Variants in PRELID2 observed in about 807,000 individuals in gnomAD.
The protein encoded by PRELID2 is PRELI domain-containing protein 2.
In PRELID2, 25 loss-of-function variants were observed where a neutral mutation model predicts 28.4. That is an observed-to-expected ratio of 0.88 (90% CI 0.64 to 1.23). The LOEUF is 1.23. Ranked by LOEUF, PRELID2 falls within the 50% of genes most tolerant of loss-of-function variation. The pLI, the probability that PRELID2 is intolerant of heterozygous loss-of-function variation, is 0.00. For missense variants in PRELID2, 201 were observed against 214.4 expected (o/e 0.94, Z 0.39); for synonymous variants, 76 against 71.6 (o/e 1.06, Z -0.31).
chr5:145,816,721 T>A (rs1217249328), intron 4 of PRELID2, among the ~76,000 whole-genome samples: 4 of 152,200 alleles, frequency 2.6e-5, no homozygotes, highest in Non-Finnish European at 5.9e-5. Flanking sequence ...TAATATTAAC[T>A]GTTTTAAATC....
intron 1 of PRELID2, among the ~76,000 whole-genome samples, chr5:145,704,847 G>A (rs1453687407): frequency 6.6e-6 from 1 of 152,210 alleles, no homozygotes; most frequent in Non-Finnish European, 1.5e-5. Flanking sequence ...GCAGCCAGAT[G>A]CACTTGTACT....
the PRELID2 span, among the ~76,000 whole-genome samples, chr5:145,265,189 CT>C: frequency 4.0e-5 from 6 of 151,810 alleles, no homozygotes; most frequent in Non-Finnish European, 5.9e-5. Context: ...AAATCAACAA[CT>C]CATCACCTTT....
chr5:145,643,545 A>C (rs547684481), intron 1 of PRELID2, among the ~76,000 whole-genome samples: 6 of 152,106 alleles, frequency 3.9e-5, no homozygotes, highest in Non-Finnish European at 5.9e-5. Context: ...ACTTCCAATA[A>C]TATGTTCAAT....
At chr5:145,396,626 C>T in the PRELID2 span, among the ~76,000 whole-genome samples, 18 of 152,098 alleles carry the variant, frequency 1.2e-4, no homozygotes, top group Non-Finnish European at 2.9e-5. Context: ...ACTTCCATTA[C>T]TTAAACCTTA....
At chr5:145,732,595 C>A (rs1432017070) in intron 1 of PRELID2, among the ~76,000 whole-genome samples, 1 of 152,122 alleles carries the variant, frequency 6.6e-6, no homozygotes. Context: ...GTCACATGAG[C>A]CTGACATTCA....
At chr5:145,416,484 T>G in the PRELID2 span, among the ~76,000 whole-genome samples, 2 of 151,962 alleles carry the variant, frequency 1.3e-5, no homozygotes, top group East Asian at 3.9e-4. Context: ...ACAGGCAACC[T>G]ACAAAATGGG....
chr5:145,331,918 T>C, the PRELID2 span, among the ~76,000 whole-genome samples: 5 of 152,210 alleles, frequency 3.3e-5, no homozygotes, highest in African/African-American at 9.6e-5. Flanking sequence ...TTGTTTTTCT[T>C]TTCCATATTT....
intron 5 of PRELID2, among the ~76,000 whole-genome samples, chr5:145,788,761 A>G (rs1752171794): frequency 2.0e-5 from 3 of 152,072 alleles, no homozygotes; most frequent in Non-Finnish European, 4.4e-5. Context: ...ATATATATAT[A>G]AAACCCTAAA....
At chr5:145,753,640 T>C (rs1051490381), downstream of PRELID2, among the ~76,000 whole-genome samples, 3 of 152,140 alleles carry the variant, frequency 2.0e-5, no homozygotes, top group Admixed American at 6.5e-5. Flanking sequence ...TAACTGCCCA[T>C]GGCTTCAGGA....
the PRELID2 span, among the ~76,000 whole-genome samples, chr5:145,327,899 C>A: frequency 6.6e-6 from 1 of 152,178 alleles, no homozygotes; most frequent in African/African-American, 2.4e-5. Flanking sequence ...TTGTCATCTA[C>A]ATTAGGTATT....
At chr5:145,613,354 T>C (rs1455983731) in intron 1 of PRELID2, among the ~76,000 whole-genome samples, 1 of 151,904 alleles carries the variant, frequency 6.6e-6, no homozygotes, top group Non-Finnish European at 1.5e-5. Flanking sequence ...TGCAGGTTTG[T>C]TACATATGTA....
intron 5 of PRELID2, among the ~76,000 whole-genome samples, chr5:145,769,830 T>C (rs555099134): frequency 3.3e-5 from 5 of 152,290 alleles, no homozygotes; most frequent in South Asian, 2.1e-4. Context: ...CAATGGACCA[T>C]TGGCCTCTTC....
intron 1 of PRELID2, among the ~76,000 whole-genome samples, chr5:145,621,440 T>C (rs1254016585): frequency 6.6e-6 from 1 of 152,146 alleles, no homozygotes; most frequent in Non-Finnish European, 1.5e-5. Flanking sequence ...CAAAAACTTG[T>C]ACACACCACT....
intron 1 of PRELID2, among the ~76,000 whole-genome samples, chr5:145,481,645 A>AAAAAGAAAAAAAAAAAAAAAAAAAAAAAG (rs1752162238): frequency 6.8e-6 from 1 of 146,490 alleles, no homozygotes; most frequent in Non-Finnish European, 1.5e-5. Flanking sequence ...AAAAAAAAAA[A>AAAAAGAAAAAAAAAAAAAAAAAAAAAAAG]AAAAAAAAGA....
At chr5:145,558,079 T>C (rs1278527156) in intron 1 of PRELID2, among the ~76,000 whole-genome samples, 2 of 152,206 alleles carry the variant, frequency 1.3e-5, no homozygotes, top group Non-Finnish European at 2.9e-5. Context: ...TTTAACAGTA[T>C]AGAATCAGAT....
chr5:145,321,593 G>A, the PRELID2 span, among the ~76,000 whole-genome samples: 93,676 of 151,996 alleles, frequency 0.62, 29,427 homozygotes, highest in East Asian at 0.89. Context: ...TTCTTCACTT[G>A]CCCGCAAGCA....
At chr5:145,238,227 G>A in the PRELID2 span, among the ~76,000 whole-genome samples, 6 of 152,102 alleles carry the variant, frequency 3.9e-5, no homozygotes, top group African/African-American at 1.4e-4. Flanking sequence ...ATGTGCTAGG[G>A]TGCTATTCTA....
chr5:145,631,660 C>T (rs1418744304), intron 1 of PRELID2, among the ~76,000 whole-genome samples: 3 of 152,096 alleles, frequency 2.0e-5, no homozygotes, highest in Non-Finnish European at 4.4e-5. Flanking sequence ...AGAATAATAC[C>T]TGGCACATAA....
chr5:145,724,605 ATAT>A (rs1756083728), intron 1 of PRELID2, among the ~76,000 whole-genome samples: 22 of 82,612 alleles, frequency 2.7e-4, no homozygotes, highest in East Asian at 1.4e-3. Flanking sequence ...AAATAAATAT[ATAT>A]ATATATATAT....
Sources: gnomAD v4.1 joint callset for allele counts (sites outside exome capture counted in the v4.1 genomes callset) on GRCh38, gnomAD v4.1.1 for gene constraint, MANE v1.5 for transcripts, NCBI Gene and HGNC (gene_info 2026-07-23, HGNC 2026-07-21) for gene names.